The following WDFY4 variants were observed in gnomAD, a reference collection of about 807,000 sequenced individuals.
WDFY4 encodes the protein WD repeat- and FYVE domain-containing protein 4.
A neutral mutation model predicts 351.9 loss-of-function variants in WDFY4; 169 were observed. The observed-to-expected ratio is 0.48, with a 90% CI of 0.42 to 0.55. WDFY4 has a LOEUF of 0.55. WDFY4 is among the 20% of genes least tolerant of loss of function. The pLI is 0.00. For synonymous variants in WDFY4, 1,622 were observed against 1,574.6 expected (o/e 1.03, Z -0.71); for missense variants, 3,803 against 3,935.6 (o/e 0.97, Z 0.90).
At chr10:48,694,301 T>G (rs1220196988) in intron 1 of WDFY4, among the ~76,000 whole-genome samples, 1 of 152,100 alleles carries the variant, frequency 6.6e-6, no homozygotes, top group Non-Finnish European at 1.5e-5. Context: ...CCTGCTCATA[T>G]CCCTCCTAGT....
At chr10:48,920,993 A>G (rs72799383) in intron 47 of WDFY4, among the ~76,000 whole-genome samples, 21,093 of 152,212 alleles carry the variant, frequency 0.14, 1,986 homozygotes, top group East Asian at 0.31. Context: ...CTGATGTAAG[A>G]AAGCAAAGAA....
chr10:48,801,310 G>GTGTTC (rs1281950260), intron 24 of WDFY4, among the ~76,000 whole-genome samples: 1 of 152,244 alleles, frequency 6.6e-6, no homozygotes, highest in African/African-American at 2.4e-5. Flanking sequence ...TATTGTTGCT[G>GTGTTC]TGTTCTGGAA....
chr10:48,832,541 A>C (rs930438249), intron 38 of WDFY4, 32 bp from the exon 39 acceptor site: 3 of 1,512,918 alleles, frequency 2.0e-6, no homozygotes, highest in Non-Finnish European at 2.7e-6. Context: ...CTCTCACTTC[A>C]CCTCTGACAT....
intron 39 of WDFY4, among the ~76,000 whole-genome samples, chr10:48,837,417 C>A (rs1400228752): frequency 6.6e-6 from 1 of 152,100 alleles, no homozygotes; most frequent in Non-Finnish European, 1.5e-5. Flanking sequence ...AGAGTCATGG[C>A]ATCTGCTCCT....
At chr10:48,892,379 A>T (rs946622688) in intron 44 of WDFY4, among the ~76,000 whole-genome samples, 3 of 152,252 alleles carry the variant, frequency 2.0e-5, no homozygotes, top group Non-Finnish European at 4.4e-5. Context: ...CAGACAAGGG[A>T]GACTTCTCAT....
chr10:48,868,541 T>A (rs1234432841), intron 40 of WDFY4, among the ~76,000 whole-genome samples: 1 of 152,186 alleles, frequency 6.6e-6, no homozygotes, highest in African/African-American at 2.4e-5. Context: ...CATCTGTGCC[T>A]ATTGGACAGA....
chr10:48,975,216 C>A, intron 58 of WDFY4, 175 bp downstream of exon 58: 1 of 809,878 alleles, frequency 1.2e-6, no homozygotes, highest in South Asian at 1.6e-5. Flanking sequence ...GGTCTAGCTT[C>A]AATGTCCGCT....
chr10:48,966,207 T>C (rs912066168), intron 54 of WDFY4, among the ~76,000 whole-genome samples: 144 of 152,216 alleles, frequency 9.5e-4, no homozygotes, highest in African/African-American at 3.3e-3. Flanking sequence ...AGCCTCATGA[T>C]TGAGAGACAG....
intron 1 of WDFY4, among the ~76,000 whole-genome samples, chr10:48,697,726 C>T (rs941292167): frequency 6.6e-6 from 1 of 152,206 alleles, no homozygotes; most frequent in African/African-American, 2.4e-5. Flanking sequence ...GCTTGGTTTA[C>T]TGCCAGCCAG....
chr10:48,981,252 T>C (rs1842792698), intron 60 of WDFY4, 115 bp from the exon 61 acceptor site: 1 of 841,538 alleles, frequency 1.2e-6, no homozygotes, highest in African/African-American at 1.7e-5. Flanking sequence ...TTTAACAAGT[T>C]GCTGACCACA....
chr10:48,820,504 G>A (rs1040751658), intron 33 of WDFY4, 67 bp downstream of exon 33: 345 of 1,503,124 alleles, frequency 2.3e-4, no homozygotes, highest in Non-Finnish European at 2.7e-4. Context: ...CACTGCAAGG[G>A]CAGGATGCAC....
At chr10:48,920,059 A>C (rs1469070752) in intron 47 of WDFY4, among the ~76,000 whole-genome samples, 1 of 152,188 alleles carries the variant, frequency 6.6e-6, no homozygotes, top group Non-Finnish European at 1.5e-5. Context: ...TATAAATGAC[A>C]GCCCAAACTT....
chr10:48,841,087 A>T (rs2068587728), intron 39 of WDFY4, among the ~76,000 whole-genome samples: 2 of 152,256 alleles, frequency 1.3e-5, no homozygotes, highest in African/African-American at 4.8e-5. Flanking sequence ...TTATATGCAC[A>T]GGGGAAGTTT....
chr10:48,805,649 C>A (rs2067229081), intron 26 of WDFY4, among the ~76,000 whole-genome samples: 1 of 152,230 alleles, frequency 6.6e-6, no homozygotes, highest in Non-Finnish European at 1.5e-5. Flanking sequence ...ACTGCTCAGG[C>A]TCCCCCACTG....
chr10:48,745,741 T>A, intron 12 of WDFY4: 1 of 538,774 alleles, frequency 1.9e-6, no homozygotes, highest in South Asian at 1.6e-5. Context: ...GTAGGCAAAC[T>A]CTCTTGTGGG....
At chr10:48,915,634 A>G (rs569549332) in intron 47 of WDFY4, among the ~76,000 whole-genome samples, 42 of 152,094 alleles carry the variant, frequency 2.8e-4, no homozygotes, top group African/African-American at 1.0e-3. Flanking sequence ...TGTTTTCCTC[A>G]CCCAGTGTCA....
At chr10:48,932,164 A>G (rs975643406) in intron 47 of WDFY4, among the ~76,000 whole-genome samples, 2 of 152,212 alleles carry the variant, frequency 1.3e-5, no homozygotes, top group African/African-American at 2.4e-5. Context: ...TAAAAATGTT[A>G]GGTGACCAGT....
At chr10:48,723,620 CAG>C in intron 5 of WDFY4, 53 bp downstream of exon 5, 1 of 1,546,580 alleles carries the variant, frequency 6.5e-7, no homozygotes, top group African/African-American at 1.4e-5. Context: ...ACTTCGGGGA[CAG>C]ACTCTCCAAT....
At chr10:48,850,357 G>T (rs1030667948) in intron 39 of WDFY4, among the ~76,000 whole-genome samples, 3 of 152,030 alleles carry the variant, frequency 2.0e-5, no homozygotes, top group Non-Finnish European at 4.4e-5. Context: ...TATTTATGTC[G>T]GTAGAGATTC....
Sources: allele counts gnomAD v4.1 joint callset (sites outside exome capture counted in the v4.1 genomes callset), GRCh38; gene constraint gnomAD v4.1.1; transcripts MANE v1.5; gene names NCBI Gene and HGNC (gene_info 2026-07-23, HGNC 2026-07-21).